The following ARHGAP15 variants were observed in gnomAD, a reference collection of about 807,000 sequenced individuals.
ARHGAP15 encodes rho GTPase-activating protein 15.
A neutral mutation model predicts 63.7 loss-of-function variants in ARHGAP15; 51 were observed. The ratio of observed to expected loss-of-function variants is 0.80; its 90% CI spans 0.64 to 1.01. ARHGAP15 has a LOEUF of 1.01. Among genes scored for constraint, ARHGAP15 ranks in the 50% least tolerant of loss-of-function variants. The pLI, the probability that ARHGAP15 is intolerant of heterozygous loss-of-function variation, is 0.00. For missense variants in ARHGAP15, 560 were observed against 564.6 expected, an observed-to-expected ratio of 0.99 and a Z score of 0.08; for synonymous variants, 191 against 193.8, an observed-to-expected ratio of 0.99 and a Z score of 0.12.
At chr2:143,201,287 A>C (rs942862443) in intron 2 of ARHGAP15, among the ~76,000 whole-genome samples, 96 of 150,890 alleles carry the variant, frequency 6.4e-4, no homozygotes, top group African/African-American at 2.2e-3. Context: ...CTAGCTAATT[A>C]AAAAAAAATT....
intron 6 of ARHGAP15, among the ~76,000 whole-genome samples, chr2:143,353,841 C>T (rs7561239): frequency 1.3e-5 from 2 of 152,120 alleles, no homozygotes; most frequent in Non-Finnish European, 2.9e-5. Flanking sequence ...TTTCTCAGAA[C>T]ATCAATAATT....
chr2:143,647,599 A>G (rs995410519), intron 12 of ARHGAP15, among the ~76,000 whole-genome samples: 1 of 151,982 alleles, frequency 6.6e-6, no homozygotes, highest in Non-Finnish European at 1.5e-5. Context: ...CAAAGAATAC[A>G]TTTCAGTCAT....
chr2:143,575,106 G>C (rs1346238263), intron 11 of ARHGAP15, among the ~76,000 whole-genome samples: 2 of 152,044 alleles, frequency 1.3e-5, no homozygotes, highest in African/African-American at 4.8e-5. Context: ...TCTTCATTCT[G>C]ACATGTATAT....
chr2:143,703,330 C>G, intron 12 of ARHGAP15, 89 bp from the exon 13 acceptor site: 1 of 966,538 alleles, frequency 1.0e-6, no homozygotes, highest in South Asian at 1.7e-5. Context: ...TAGTCTCAGT[C>G]CAAAATTTTC....
At chr2:143,741,462 AT>A (rs952757489) in intron 13 of ARHGAP15, among the ~76,000 whole-genome samples, 26 of 152,136 alleles carry the variant, frequency 1.7e-4, no homozygotes, top group African/African-American at 5.5e-4. Context: ...GTTGGAATGA[AT>A]TTTTTTTCTG....
At chr2:143,550,265 A>G (rs1695496547) in intron 10 of ARHGAP15, among the ~76,000 whole-genome samples, 1 of 152,226 alleles carries the variant, frequency 6.6e-6, no homozygotes, top group South Asian at 2.1e-4. Flanking sequence ...CAAAGTTAGA[A>G]AAGTAAAAGA....
intron 13 of ARHGAP15, among the ~76,000 whole-genome samples, chr2:143,762,767 A>G (rs1686805710): frequency 6.6e-6 from 1 of 152,188 alleles, no homozygotes; most frequent in South Asian, 2.1e-4. Context: ...AATATCCAAG[A>G]AGAAAAAGTG....
chr2:143,673,993 A>G (rs185371561), intron 12 of ARHGAP15, among the ~76,000 whole-genome samples: 27 of 151,928 alleles, frequency 1.8e-4, no homozygotes, highest in African/African-American at 6.0e-4. Flanking sequence ...AAAGACTATT[A>G]ATGTGAAATA....
intron 6 of ARHGAP15, among the ~76,000 whole-genome samples, chr2:143,352,489 T>C (rs1230928735): frequency 6.6e-6 from 1 of 152,196 alleles, no homozygotes; most frequent in Non-Finnish European, 1.5e-5. Flanking sequence ...ACTAGTATTT[T>C]CTAAAATGTG....
intron 6 of ARHGAP15, chr2:143,435,261 G>A (rs768880980): frequency 1.4e-5 from 14 of 1,000,438 alleles, no homozygotes; most frequent in African/African-American, 1.7e-5. Context: ...GACACACCCG[G>A]GTGCATTTTT....
chr2:143,495,534 A>G (rs1479820125), intron 9 of ARHGAP15, among the ~76,000 whole-genome samples: 3 of 152,180 alleles, frequency 2.0e-5, no homozygotes, highest in South Asian at 2.1e-4. Context: ...CACAGACATA[A>G]CTGATTGTTT....
At chr2:143,508,826 A>G (rs1693439580) in intron 9 of ARHGAP15, among the ~76,000 whole-genome samples, 1 of 152,228 alleles carries the variant, frequency 6.6e-6, no homozygotes, top group East Asian at 1.9e-4. Flanking sequence ...GACCAAAATT[A>G]GATTGACATC....
chr2:143,719,324 C>A (rs1684948747), intron 13 of ARHGAP15, among the ~76,000 whole-genome samples: 1 of 152,152 alleles, frequency 6.6e-6, no homozygotes. Context: ...TCTAATTAAT[C>A]TGTGTATATG....
At chr2:143,539,639 C>A in intron 10 of ARHGAP15, among the ~76,000 whole-genome samples, 1 of 152,064 alleles carries the variant, frequency 6.6e-6, no homozygotes, top group South Asian at 2.1e-4. Context: ...CATTAGGTAC[C>A]CAGTAGTCAT....
intron 6 of ARHGAP15, among the ~76,000 whole-genome samples, chr2:143,401,430 T>G (rs1039023420): frequency 6.6e-6 from 1 of 152,000 alleles, no homozygotes; most frequent in Non-Finnish European, 1.5e-5. Context: ...CATCATTCCA[T>G]GTGGGAATAT....
intron 12 of ARHGAP15, among the ~76,000 whole-genome samples, chr2:143,644,704 T>A (rs1680783910): frequency 6.6e-6 from 1 of 152,034 alleles, no homozygotes; most frequent in Non-Finnish European, 1.5e-5. Flanking sequence ...TTCGGCCAGA[T>A]CAATGATACC....
At chr2:143,337,639 A>T (rs1388729800) in intron 6 of ARHGAP15, among the ~76,000 whole-genome samples, 2 of 152,208 alleles carry the variant, frequency 1.3e-5, no homozygotes, top group East Asian at 3.9e-4. Context: ...CACCTTCTGG[A>T]GTTCTCTTTT....
intron 12 of ARHGAP15, among the ~76,000 whole-genome samples, chr2:143,699,518 A>T (rs1009398053): frequency 9.2e-5 from 14 of 152,192 alleles, no homozygotes; most frequent in African/African-American, 3.4e-4. Flanking sequence ...TTATAGGCAA[A>T]CTTGGAAACC....
intron 1 of ARHGAP15, among the ~76,000 whole-genome samples, chr2:143,132,026 T>C (rs1688935212): frequency 2.0e-5 from 3 of 152,302 alleles, no homozygotes; most frequent in African/African-American, 7.2e-5. Flanking sequence ...CACTACATTT[T>C]CAGGCAATTT....
Sources: allele counts gnomAD v4.1 joint callset (sites outside exome capture counted in the v4.1 genomes callset), GRCh38; gene constraint gnomAD v4.1.1; transcripts MANE v1.5; gene names NCBI Gene and HGNC (gene_info 2026-07-23, HGNC 2026-07-21).